Variants in PHACTR1 observed in about 807,000 individuals in gnomAD.
The protein encoded by PHACTR1 is phosphatase and actin regulator 1.
A neutral mutation model predicts 69.2 loss-of-function variants in PHACTR1; 16 were observed. That is an observed-to-expected ratio of 0.23 (90% CI 0.16 to 0.35). The LOEUF (loss-of-function observed/expected upper bound fraction) is 0.35. PHACTR1 is among the 10% of genes least tolerant of loss of function. The probability of loss-of-function intolerance (pLI) is 1.00; values close to 1 mark genes in which losing one functional copy is unlikely to be tolerated. For missense variants in PHACTR1, 510 were observed against 734.7 expected (o/e 0.69, Z 3.54); for synonymous variants, 312 against 284.5 (o/e 1.10, Z -0.97).
At chr6:13,284,543 A>AAAAAAAAATAT (rs1554187813) in intron 13 of PHACTR1, among the ~76,000 whole-genome samples, 1 of 61,362 alleles carries the variant, frequency 1.6e-5, no homozygotes, top group Non-Finnish European at 2.6e-5. Flanking sequence ...AAAAAAAAAA[A>AAAAAAAAATAT]ATATATATAT....
intron 3 of PHACTR1, among the ~76,000 whole-genome samples, chr6:12,729,209 G>A (rs1024722200): frequency 6.6e-6 from 1 of 152,012 alleles, no homozygotes; most frequent in Non-Finnish European, 1.5e-5. Context: ...ACAAGAACAA[G>A]AACAAGCAGC....
At chr6:12,846,798 CTTTTTATTTTTA>C (rs769420244) in intron 4 of PHACTR1, among the ~76,000 whole-genome samples, 1 of 150,084 alleles carries the variant, frequency 6.7e-6, no homozygotes, top group Non-Finnish European at 1.5e-5. Context: ...TAGCAACTTG[CTTTTTATTTTTA>C]TTTTTATTTT....
chr6:13,164,179 T>G (rs1366203274), intron 6 of PHACTR1, among the ~76,000 whole-genome samples: 3 of 152,102 alleles, frequency 2.0e-5, no homozygotes, highest in Admixed American at 6.6e-5. Context: ...GCAAGTCATT[T>G]TCCTGTCATT....
chr6:12,889,210 G>T (rs1308841091), intron 4 of PHACTR1, among the ~76,000 whole-genome samples: 1 of 152,188 alleles, frequency 6.6e-6, no homozygotes, highest in Non-Finnish European at 1.5e-5. Flanking sequence ...GATCAAAGCT[G>T]CAATTAGCTG....
chr6:13,187,177 G>T (rs72823032), intron 7 of PHACTR1, among the ~76,000 whole-genome samples: 83 of 152,278 alleles, frequency 5.5e-4, no homozygotes, highest in Non-Finnish European at 1.1e-3. Context: ...TGTGCAGCCC[G>T]GTTCCTAATA....
At chr6:12,783,016 TGTTTA>T (rs1561877789) in intron 4 of PHACTR1, among the ~76,000 whole-genome samples, 1 of 152,238 alleles carries the variant, frequency 6.6e-6, no homozygotes, top group Non-Finnish European at 1.5e-5. Flanking sequence ...TGGCCCCGTA[TGTTTA>T]GTTTAATCGT....
At chr6:13,240,556 C>T (rs764102831) in intron 10 of PHACTR1, among the ~76,000 whole-genome samples, 6 of 152,060 alleles carry the variant, frequency 3.9e-5, no homozygotes, top group African/African-American at 1.4e-4. Flanking sequence ...AAGTGATTGT[C>T]GTGCCTCAGC....
chr6:13,220,997 A>T (rs1035271586), intron 8 of PHACTR1, among the ~76,000 whole-genome samples: 7 of 152,238 alleles, frequency 4.6e-5, no homozygotes, highest in African/African-American at 1.7e-4. Flanking sequence ...ATGCTATAAC[A>T]AAGCTGGGAA....
At chr6:12,859,395 A>C (rs545669027) in intron 4 of PHACTR1, among the ~76,000 whole-genome samples, 5 of 152,196 alleles carry the variant, frequency 3.3e-5, no homozygotes, top group Non-Finnish European at 5.9e-5. Flanking sequence ...TATGTACACT[A>C]TGTGTATGTA....
Position 12,959,207 on chromosome 6 carries a change from A to G in PHACTR1, c.251-94158A>G, listed in dbSNP as rs567385752. Among the ~76,000 whole-genome samples, 36 of 150,622 alleles carry G rather than the reference A, an allele frequency of 2.4e-4. 1 individual carries two copies. In the South Asian group the frequency reaches 7.1e-3, roughly 30 times the overall value. ...AAAAAAAAAAAAAAGAAAAGAAAAA[A>G]AAAAGAAAAGAAAACAGAAACAACT... On this transcript the variant is annotated intron_variant, in intron 4 of 14. Coordinates refer to ENST00000332995, the MANE Select transcript of PHACTR1 (RefSeq NM_030948.6).
chr6:13,176,209 G>A (rs1326066117), intron 6 of PHACTR1, among the ~76,000 whole-genome samples: 1 of 152,020 alleles, frequency 6.6e-6, no homozygotes, highest in African/African-American at 2.4e-5. Flanking sequence ...CATCTTGCAG[G>A]GGAAAAAAAG....
intron 3 of PHACTR1, among the ~76,000 whole-genome samples, chr6:12,722,672 C>T (rs966629425): frequency 3.3e-5 from 5 of 152,166 alleles, no homozygotes; most frequent in African/African-American, 1.2e-4. Context: ...TATCTTCTCC[C>T]ACCTCCATTT....
intron 4 of PHACTR1, among the ~76,000 whole-genome samples, chr6:12,842,647 TC>T (rs1308583839): frequency 6.6e-6 from 1 of 152,030 alleles, no homozygotes; most frequent in Non-Finnish European, 1.5e-5. Context: ...GCCTAGGTGA[TC>T]CTCCCACCTC....
chr6:13,272,641 G>C (rs543777079), intron 10 of PHACTR1: 1 of 1,419,558 alleles, frequency 7.0e-7, no homozygotes, highest in Non-Finnish European at 9.3e-7. Flanking sequence ...CAGGGAGGAG[G>C]GCGGGGGTCA....
At chr6:12,738,491 T>C (rs1010643911) in intron 3 of PHACTR1, among the ~76,000 whole-genome samples, 1 of 152,232 alleles carries the variant, frequency 6.6e-6, no homozygotes. Context: ...ATCTTTACTA[T>C]GATGGCTGCA....
chr6:13,164,121 C>T (rs2113576137), intron 6 of PHACTR1, among the ~76,000 whole-genome samples: 1 of 152,100 alleles, frequency 6.6e-6, no homozygotes, highest in East Asian at 1.9e-4. Context: ...AGAACCCGGT[C>T]TTCTGTATCC....
intron 4 of PHACTR1, among the ~76,000 whole-genome samples, chr6:12,955,049 T>G (rs1294366379): frequency 6.6e-6 from 1 of 152,160 alleles, no homozygotes; most frequent in East Asian, 1.9e-4. Context: ...TTTCATTAAT[T>G]TTTATATTGA....
intron 12 of PHACTR1, 57 bp downstream of exon 12, chr6:13,278,386 C>T (rs931061577): frequency 4.0e-6 from 6 of 1,492,614 alleles, no homozygotes. Context: ...GCCTGCCACA[C>T]CTCTGCCCTC....
At chr6:12,733,877 T>A (rs550021739) in intron 3 of PHACTR1, among the ~76,000 whole-genome samples, 1 of 151,854 alleles carries the variant, frequency 6.6e-6, no homozygotes, top group South Asian at 2.1e-4. Context: ...AATCAAAATA[T>A]ATGAGTCTTA....
Sources: gnomAD v4.1 joint callset for allele counts (sites outside exome capture counted in the v4.1 genomes callset) on GRCh38, gnomAD v4.1.1 for gene constraint, MANE v1.5 for transcripts, NCBI Gene and HGNC (gene_info 2026-07-23, HGNC 2026-07-21) for gene names.